Variants in MSRA observed in about 807,000 individuals in gnomAD.
The protein encoded by MSRA is mitochondrial peptide methionine sulfoxide reductase.
Under a neutral mutation model 31.3 loss-of-function variants are expected in MSRA, and 54 were observed. The ratio of observed to expected loss-of-function variants is 1.73; its 90% CI spans 1.39 to 2.17. MSRA has a LOEUF of 2.17. Ranked by LOEUF, MSRA falls within the 30% of genes most tolerant of loss-of-function variation. MSRA has a pLI of 0.00. For synonymous variants in MSRA, 169 were observed against 116.5 expected (o/e 1.45, Z -2.90); for missense variants, 507 against 300.9 (o/e 1.69, Z -5.07).
intron 5 of MSRA, chr8:10,411,312 C>G (rs1017012734): frequency 1.3e-5 from 2 of 152,138 alleles, no homozygotes; most frequent in Non-Finnish European, 2.9e-5. Context: ...CACACCGTGT[C>G]GTTTTTAAGC....
At chr8:10,270,109 A>G (rs895451371) in intron 3 of MSRA, among the ~76,000 whole-genome samples, 3 of 152,246 alleles carry the variant, frequency 2.0e-5, no homozygotes, top group Non-Finnish European at 2.9e-5. Flanking sequence ...GTTTTCTTGT[A>G]TGAACTGAAA....
intron 2 of MSRA, among the ~76,000 whole-genome samples, chr8:10,210,406 A>C (rs1809374491): frequency 1.3e-5 from 2 of 152,210 alleles, no homozygotes; most frequent in East Asian, 3.8e-4. Context: ...GACACCTTTC[A>C]GCTGGGTCCA....
chr8:10,206,161 G>A (rs1214075338), intron 1 of MSRA, among the ~76,000 whole-genome samples: 1 of 152,198 alleles, frequency 6.6e-6, no homozygotes, highest in East Asian at 1.9e-4. Context: ...TGACAGGGCT[G>A]TGAGGCAAGA....
chr8:10,104,609 G>A (rs571780484), intron 1 of MSRA, among the ~76,000 whole-genome samples: 2 of 152,276 alleles, frequency 1.3e-5, no homozygotes, highest in South Asian at 2.1e-4. Context: ...TGGAGACCAA[G>A]GTTTTATCAT....
chr8:10,233,958 T>A (rs760670238), intron 2 of MSRA, among the ~76,000 whole-genome samples: 1 of 152,128 alleles, frequency 6.6e-6, no homozygotes, highest in Non-Finnish European at 1.5e-5. Context: ...TACAAAGAAA[T>A]GACCATCAGA....
At chr8:10,098,226 G>T (rs941151718) in intron 1 of MSRA, among the ~76,000 whole-genome samples, 3 of 151,992 alleles carry the variant, frequency 2.0e-5, no homozygotes, top group African/African-American at 7.2e-5. Context: ...TGGTTTGATT[G>T]TAAATGAACC....
chr8:10,133,626 A>G (rs887308342), intron 1 of MSRA, among the ~76,000 whole-genome samples: 2 of 152,180 alleles, frequency 1.3e-5, no homozygotes, highest in Non-Finnish European at 2.9e-5. Context: ...ACAGTGGGGA[A>G]AAAAGACCTA....
intron 1 of MSRA, among the ~76,000 whole-genome samples, chr8:10,201,045 C>G (rs1464899234): frequency 6.6e-6 from 1 of 152,112 alleles, no homozygotes; most frequent in Admixed American, 6.5e-5. Flanking sequence ...CCCTGAACCA[C>G]CATGACTTTG....
At chr8:10,168,837 T>A (rs1001641171) in intron 1 of MSRA, among the ~76,000 whole-genome samples, 1 of 152,204 alleles carries the variant, frequency 6.6e-6, no homozygotes, top group African/African-American at 2.4e-5. Context: ...AATTTGGAAG[T>A]CTAGGACATC....
chr8:10,108,768 A>C (rs1800068756), intron 1 of MSRA, among the ~76,000 whole-genome samples: 1 of 152,030 alleles, frequency 6.6e-6, no homozygotes, highest in African/African-American at 2.4e-5. Context: ...TAAACAAACT[A>C]ATGACTGGTG....
intron 1 of MSRA, among the ~76,000 whole-genome samples, chr8:10,195,677 A>T (rs539793473): frequency 1.7e-4 from 26 of 152,328 alleles, no homozygotes; most frequent in Middle Eastern, 3.4e-3. Flanking sequence ...AGCAAAACTG[A>T]TATCTATGTT....
intron 1 of MSRA, among the ~76,000 whole-genome samples, chr8:10,121,520 A>G (rs1030434577): frequency 2.0e-5 from 3 of 152,182 alleles, no homozygotes; most frequent in Non-Finnish European, 4.4e-5. Context: ...TTTAAGGGGA[A>G]ACGAGAGTTG....
At chr8:10,178,505 C>T (rs957228768) in intron 1 of MSRA, among the ~76,000 whole-genome samples, 1 of 152,124 alleles carries the variant, frequency 6.6e-6, no homozygotes, top group African/African-American at 2.4e-5. Flanking sequence ...CTGCTATCAT[C>T]CATATTGCTA....
At chr8:10,366,861 A>C (rs1301037377) in intron 5 of MSRA, among the ~76,000 whole-genome samples, 1 of 152,062 alleles carries the variant, frequency 6.6e-6, no homozygotes, top group Non-Finnish European at 1.5e-5. Context: ...ACCAGACCCA[A>C]GGCTGCCAGA....
chr8:10,073,206 C>T (rs1797829573), intron 1 of MSRA, among the ~76,000 whole-genome samples: 2 of 152,098 alleles, frequency 1.3e-5, no homozygotes, highest in South Asian at 4.2e-4. Context: ...AGGGGAAAAG[C>T]ATTCAGCCTT....
intron 4 of MSRA, among the ~76,000 whole-genome samples, chr8:10,304,732 G>A (rs577605843): frequency 6.6e-6 from 1 of 152,170 alleles, no homozygotes; most frequent in Non-Finnish European, 1.5e-5. Flanking sequence ...CACAGTAAAA[G>A]TTGGTCTTGA....
intron 2 of MSRA, among the ~76,000 whole-genome samples, chr8:10,230,411 G>A (rs1054559681): frequency 6.6e-6 from 1 of 152,162 alleles, no homozygotes; most frequent in African/African-American, 2.4e-5. Flanking sequence ...CAGGAGGGTG[G>A]CCATAGGACA....
At chr8:10,380,834 A>T (rs995814868) in intron 5 of MSRA, among the ~76,000 whole-genome samples, 3 of 148,500 alleles carry the variant, frequency 2.0e-5, no homozygotes, top group African/African-American at 7.4e-5. Context: ...AGATGGATGG[A>T]TGGAATGGAA....
intron 5 of MSRA, among the ~76,000 whole-genome samples, chr8:10,368,964 G>A (rs1438636660): frequency 6.6e-6 from 1 of 152,134 alleles, no homozygotes; most frequent in Non-Finnish European, 1.5e-5. Flanking sequence ...TGGTTCTAGG[G>A]CACAGCTGTG....
Sources: allele counts gnomAD v4.1 joint callset (sites outside exome capture counted in the v4.1 genomes callset), GRCh38; gene constraint gnomAD v4.1.1; transcripts MANE v1.5; gene names NCBI Gene and HGNC (gene_info 2026-07-23, HGNC 2026-07-21).